The following COLEC10 variants were observed in gnomAD, a reference collection of about 807,000 sequenced individuals.
The protein encoded by COLEC10 is collectin subfamily member 10, also known as collectin-10.
A neutral mutation model predicts 28.4 loss-of-function variants in COLEC10; 22 were observed. The ratio of observed to expected loss-of-function variants is 0.78; its 90% CI spans 0.55 to 1.11. COLEC10 has a LOEUF of 1.11. COLEC10 is among the 50% of genes least tolerant of loss of function. The probability of loss-of-function intolerance (pLI) is 0.00; values close to 1 mark genes in which losing one functional copy is unlikely to be tolerated. For missense variants in COLEC10, 361 were observed against 344.1 expected, an observed-to-expected ratio of 1.05 and a Z score of -0.39; for synonymous variants, 125 against 116.1, an observed-to-expected ratio of 1.08 and a Z score of -0.49.
chr8:118,978,332 A>C, the COLEC10 span, among the ~76,000 whole-genome samples: 9 of 152,092 alleles, frequency 5.9e-5, no homozygotes, highest in African/African-American at 1.9e-4. Flanking sequence ...TCAAATTAGA[A>C]GTCTCAAATA....
intron 1 of COLEC10, among the ~76,000 whole-genome samples, chr8:119,083,107 A>G (rs1379759820): frequency 1.3e-5 from 2 of 152,164 alleles, no homozygotes; most frequent in African/African-American, 4.8e-5. Flanking sequence ...TCAACCAAAC[A>G]CACAGAGAAA....
chr8:119,054,994 CA>C (rs1365624132), intron 2 of COLEC10, among the ~76,000 whole-genome samples: 2 of 151,782 alleles, frequency 1.3e-5, no homozygotes, highest in Non-Finnish European at 2.9e-5. Context: ...GTAAGCGACC[CA>C]AATCTGTGAT....
At chr8:119,032,120 G>A (rs1814299253) in intron 2 of COLEC10, among the ~76,000 whole-genome samples, 1 of 152,148 alleles carries the variant, frequency 6.6e-6, no homozygotes, top group Non-Finnish European at 1.5e-5. Flanking sequence ...CTTATTTTGT[G>A]CAAAGAACAG....
At chr8:119,075,861 GTCATC>G (rs1253406125) in intron 1 of COLEC10, among the ~76,000 whole-genome samples, 19 of 143,938 alleles carry the variant, frequency 1.3e-4, no homozygotes, top group African/African-American at 4.4e-4. Flanking sequence ...ATGAGATGAT[GTCATC>G]TCATCTCAAG....
intron 1 of COLEC10, among the ~76,000 whole-genome samples, chr8:119,006,033 T>C (rs1282947259): frequency 6.6e-6 from 1 of 152,068 alleles, no homozygotes; most frequent in Non-Finnish European, 1.5e-5. Context: ...ATCATCAGTA[T>C]CCTATGTGAA....
upstream of COLEC10, among the ~76,000 whole-genome samples, chr8:118,993,490 G>T (rs1438692345): frequency 6.6e-6 from 1 of 152,090 alleles, no homozygotes; most frequent in Non-Finnish European, 1.5e-5. Flanking sequence ...GAGTAGCTGG[G>T]ACTACAGGTG....
the COLEC10 span, among the ~76,000 whole-genome samples, chr8:118,964,101 C>T: frequency 3.3e-5 from 5 of 152,252 alleles, no homozygotes; most frequent in East Asian, 9.7e-4. Context: ...GGGAGGACCT[C>T]TTTAAGGAAA....
At chr8:119,068,960 A>G (rs1815030680) in intron 1 of COLEC10, among the ~76,000 whole-genome samples, 1 of 151,780 alleles carries the variant, frequency 6.6e-6, no homozygotes, top group African/African-American at 2.4e-5. Flanking sequence ...AATTCTTAAT[A>G]AAATAAATTC....
At chr8:118,988,469 G>A in the COLEC10 span, among the ~76,000 whole-genome samples, 1 of 152,076 alleles carries the variant, frequency 6.6e-6, no homozygotes, top group Non-Finnish European at 1.5e-5. Flanking sequence ...CCTAAGAGGG[G>A]AAAGACATCA....
chr8:119,059,756 CA>C (rs1814821102), intron 2 of COLEC10, among the ~76,000 whole-genome samples: 1 of 152,020 alleles, frequency 6.6e-6, no homozygotes, highest in Admixed American at 6.6e-5. Context: ...TTTTCAAGAA[CA>C]AATGCTTAGT....
intron 2 of COLEC10, among the ~76,000 whole-genome samples, chr8:119,040,038 A>T (rs192047970): frequency 6.6e-6 from 1 of 152,174 alleles, no homozygotes; most frequent in African/African-American, 2.4e-5. Context: ...TATCCCAAGA[A>T]TGTTACCCTT....
At chr8:119,012,022 G>T (rs2130086799) in intron 2 of COLEC10, among the ~76,000 whole-genome samples, 1 of 150,792 alleles carries the variant, frequency 6.6e-6, no homozygotes, top group Non-Finnish European at 1.5e-5. Flanking sequence ...AGTGAGAGAG[G>T]ATATCCTTGC....
chr8:119,088,729 G>A (rs1362635334), intron 1 of COLEC10, among the ~76,000 whole-genome samples: 2 of 152,152 alleles, frequency 1.3e-5, no homozygotes. Flanking sequence ...TGCTCACCTT[G>A]TTGATCCGAA....
chr8:119,084,574 G>A (rs1388034209), intron 1 of COLEC10, among the ~76,000 whole-genome samples: 1 of 152,136 alleles, frequency 6.6e-6, no homozygotes, highest in Admixed American at 6.5e-5. Context: ...GCACAGCAGT[G>A]TGGGCTTGAG....
intron 1 of COLEC10, among the ~76,000 whole-genome samples, chr8:119,085,871 G>C (rs1275734156): frequency 6.6e-6 from 1 of 151,742 alleles, no homozygotes; most frequent in Non-Finnish European, 1.5e-5. Context: ...ACCCGCCTCG[G>C]CCTCCCAAAG....
At chr8:119,079,282 G>A (rs1016121714) in intron 1 of COLEC10, among the ~76,000 whole-genome samples, 3 of 152,156 alleles carry the variant, frequency 2.0e-5, no homozygotes, top group African/African-American at 7.2e-5. Context: ...CCCTGTGAGG[G>A]AGGCACTTCA....
At chr8:119,092,913 A>T (rs1815639460) in intron 3 of COLEC10, among the ~76,000 whole-genome samples, 1 of 152,108 alleles carries the variant, frequency 6.6e-6, no homozygotes, top group African/African-American at 2.4e-5. Context: ...CTCAAAGAAA[A>T]AAAAAAGAAT....
intron 2 of COLEC10, among the ~76,000 whole-genome samples, chr8:119,044,459 A>G (rs180735665): frequency 6.6e-6 from 1 of 152,212 alleles, no homozygotes; most frequent in African/African-American, 2.4e-5. Context: ...GGTGTATTCA[A>G]TAAGAATTGT....
At chr8:118,975,970 TC>T in the COLEC10 span, among the ~76,000 whole-genome samples, 1 of 152,026 alleles carries the variant, frequency 6.6e-6, no homozygotes, top group African/African-American at 2.4e-5. Context: ...GGAAACTGAT[TC>T]AAAAAATTTG....
Sources: gnomAD v4.1 joint callset for allele counts (sites outside exome capture counted in the v4.1 genomes callset) on GRCh38, gnomAD v4.1.1 for gene constraint, MANE v1.5 for transcripts, NCBI Gene and HGNC (gene_info 2026-07-23, HGNC 2026-07-21) for gene names.